SSBP2: variants seen among roughly 807,000 people sequenced by gnomAD.
The protein encoded by SSBP2 is single-stranded DNA-binding protein 2.
Under a neutral mutation model 61.8 loss-of-function variants are expected in SSBP2, and 17 were observed. That is an observed-to-expected ratio of 0.28 (90% CI 0.19 to 0.41). The LOEUF (loss-of-function observed/expected upper bound fraction) is 0.41, where lower values mean the gene tolerates loss of function less well. SSBP2 is among the 10% of genes least tolerant of loss of function. The pLI is 1.00. For synonymous variants in SSBP2, 139 were observed against 141.3 expected (o/e 0.98, Z 0.12); for missense variants, 310 against 458.7 (o/e 0.68, Z 2.96).
chr5:81,437,801 T>C (rs773107122), intron 14 of SSBP2: 28 of 156,932 alleles, frequency 1.8e-4, no homozygotes, highest in Non-Finnish European at 3.6e-4. Flanking sequence ...ATAACATATA[T>C]AGAGATATCT....
intron 1 of SSBP2, among the ~76,000 whole-genome samples, chr5:81,682,264 A>C (rs541248943): frequency 6.6e-6 from 1 of 152,324 alleles, no homozygotes; most frequent in Admixed American, 6.5e-5. Context: ...ACAGACCAAT[A>C]TCTCTCATGA....
chr5:81,445,183 T>C (rs1437221183), intron 12 of SSBP2, among the ~76,000 whole-genome samples: 1 of 123,746 alleles, frequency 8.1e-6, no homozygotes, highest in Admixed American at 8.4e-5. Context: ...TATATGTATG[T>C]ATTTACTGGA....
intron 1 of SSBP2, among the ~76,000 whole-genome samples, chr5:81,656,561 A>G (rs934279049): frequency 6.6e-6 from 1 of 152,172 alleles, no homozygotes; most frequent in Non-Finnish European, 1.5e-5. Context: ...TCTGTGACAT[A>G]ACATATAGCC....
intron 10 of SSBP2, among the ~76,000 whole-genome samples, chr5:81,458,764 G>A (rs1449008615): frequency 6.6e-6 from 1 of 152,082 alleles, no homozygotes; most frequent in Non-Finnish European, 1.5e-5. Flanking sequence ...TGGTTTTTGG[G>A]GAAAAATACC....
chr5:81,751,102 G>T (rs1757741503), upstream of SSBP2: 1 of 1,530,154 alleles, frequency 6.5e-7, no homozygotes, highest in Non-Finnish European at 8.9e-7. Context: ...AGCCTCCCCG[G>T]GAACAGCCCC....
rs995818242 is a variant in SSBP2 at position 81,471,061 on chromosome 5, G to A, written c.570+2639C>T. 6.6e-5 allele frequency among the ~76,000 whole-genome samples: 10 copies of A among 151,174 alleles called. No homozygotes were observed. The East Asian group carries it at 1.9e-3, about 29-fold the overall frequency. ...CTTTAATCCTTATACTTTTTATATT[G>A]TGATTTTAAAAAGTTACTGTAGGCA... On this transcript the variant is annotated intron_variant, in intron 8 of 16. Transcript: ENST00000320672.
chr5:81,547,438 G>A (rs1439152471), intron 4 of SSBP2, among the ~76,000 whole-genome samples: 1 of 151,166 alleles, frequency 6.6e-6, no homozygotes, highest in African/African-American at 2.5e-5. Flanking sequence ...AAAGATATGA[G>A]GTATCAAGCC....
intron 5 of SSBP2, among the ~76,000 whole-genome samples, chr5:81,493,450 T>C (rs980103742): frequency 8.6e-5 from 13 of 151,480 alleles, no homozygotes; most frequent in African/African-American, 3.2e-4. Context: ...ACACCACACC[T>C]GGGTATTAAA....
chr5:81,456,677 C>T (rs1021306518), intron 10 of SSBP2, among the ~76,000 whole-genome samples: 7 of 151,832 alleles, frequency 4.6e-5, no homozygotes, highest in African/African-American at 1.7e-4. Context: ...CTGTAATGCT[C>T]AGGGGTAAGA....
chr5:81,677,696 C>T (rs950452077), intron 1 of SSBP2, among the ~76,000 whole-genome samples: 6 of 152,112 alleles, frequency 3.9e-5, no homozygotes, highest in Admixed American at 3.3e-4. Context: ...CTGTTCCTAA[C>T]CAGGTCTGCT....
At chr5:81,692,896 TA>T (rs1753311731) in intron 1 of SSBP2, among the ~76,000 whole-genome samples, 1 of 152,070 alleles carries the variant, frequency 6.6e-6, no homozygotes, top group Non-Finnish European at 1.5e-5. Context: ...CCTCAAACTA[TA>T]AAACTCTTAA....
chr5:81,683,381 CAA>C (rs1213353033), intron 1 of SSBP2, among the ~76,000 whole-genome samples: 1 of 152,024 alleles, frequency 6.6e-6, no homozygotes, highest in Non-Finnish European at 1.5e-5. Context: ...TACAATGGAG[CAA>C]AGATAGTCTT....
At chr5:81,445,382 C>T (rs1473841224) in intron 12 of SSBP2, among the ~76,000 whole-genome samples, 4 of 151,340 alleles carry the variant, frequency 2.6e-5, no homozygotes, top group Admixed American at 2.0e-4. Flanking sequence ...AGGAAGATTA[C>T]TTATTGCCTG....
At chr5:81,711,136 G>A (rs1754752119) in intron 1 of SSBP2, among the ~76,000 whole-genome samples, 1 of 152,050 alleles carries the variant, frequency 6.6e-6, no homozygotes, top group Admixed American at 6.5e-5. Context: ...AGTAGGGCAA[G>A]TTTAATTCTA....
chr5:81,551,471 A>G (rs1772184839), intron 4 of SSBP2, among the ~76,000 whole-genome samples: 1 of 152,232 alleles, frequency 6.6e-6, no homozygotes, highest in Non-Finnish European at 1.5e-5. Flanking sequence ...ATACTTTTAT[A>G]TAGCATTAAC....
chr5:81,567,488 T>G (rs762826432), intron 4 of SSBP2, among the ~76,000 whole-genome samples: 9 of 152,150 alleles, frequency 5.9e-5, no homozygotes, highest in Non-Finnish European at 1.2e-4. Flanking sequence ...CAGGCAGAAG[T>G]TTGCTGTAGG....
intron 4 of SSBP2, among the ~76,000 whole-genome samples, chr5:81,552,359 C>A (rs1326771160): frequency 6.6e-6 from 1 of 152,014 alleles, no homozygotes; most frequent in South Asian, 2.1e-4. Context: ...AAGTAAAGGC[C>A]GGGCACGGTG....
At chr5:81,660,059 A>G (rs923685850) in intron 1 of SSBP2, among the ~76,000 whole-genome samples, 4 of 152,220 alleles carry the variant, frequency 2.6e-5, no homozygotes, top group African/African-American at 9.6e-5. Flanking sequence ...CTCAAACCAT[A>G]AAAACACTAG....
rs746571313 is a variant in SSBP2 at position 81,502,380 on chromosome 5, A to G, written c.372+11248T>C. On this transcript the variant is annotated intron_variant, in intron 5 of 16. Coordinates refer to ENST00000320672, the MANE Select transcript of SSBP2 (RefSeq NM_012446.5). ...TGCTCTTTTTGGCTGGTTCCTCTTC[A>G]TTTTCCTAATTTCTTAATGTTAGAG... 1.1e-3 allele frequency among the ~76,000 whole-genome samples: 169 copies of G among 151,730 alleles called. 4 individuals are homozygous for G. The highest frequency in any genetic ancestry group is 3.3e-4 in the Admixed American group (5 of 15,234).
Sources: gnomAD v4.1 joint callset for allele counts (sites outside exome capture counted in the v4.1 genomes callset) on GRCh38, gnomAD v4.1.1 for gene constraint, MANE v1.5 for transcripts, NCBI Gene and HGNC (gene_info 2026-07-23, HGNC 2026-07-21) for gene names.